NEBL: variants seen among roughly 807,000 people sequenced by gnomAD.
NEBL encodes LIM and SH3 protein 2.
Under a neutral mutation model 140.2 loss-of-function variants are expected in NEBL, and 122 were observed. The observed-to-expected ratio is 0.87, with a 90% CI of 0.75 to 1.01. The LOEUF is 1.01. NEBL is among the 50% of genes least tolerant of loss of function. The pLI is 0.00. For missense variants in NEBL, 1,365 were observed against 1,231.3 expected (o/e 1.11, Z -1.62); for synonymous variants, 436 against 398.9 (o/e 1.09, Z -1.11).
chr10:21,271,476 C>T (rs76381958), intron 1 of NEBL, among the ~76,000 whole-genome samples: 4,252 of 150,794 alleles, frequency 0.028, 186 homozygotes, highest in African/African-American at 0.097. Context: ...TAGCTATAGT[C>T]GATAATAATG....
intron 1 of NEBL, among the ~76,000 whole-genome samples, chr10:21,261,608 T>C (rs1158263600): frequency 6.7e-6 from 1 of 150,072 alleles, no homozygotes; most frequent in African/African-American, 2.5e-5. Flanking sequence ...GACCACACCA[T>C]TGCACACCAT....
intron 15 of NEBL, 51 bp downstream of exon 15, chr10:20,831,422 G>A: frequency 6.5e-7 from 1 of 1,529,102 alleles, no homozygotes; most frequent in Non-Finnish European, 9.0e-7. Context: ...GCTCTTTCCA[G>A]CTATGATTCA....
At chr10:20,856,792 A>G (rs950038874) in intron 9 of NEBL, among the ~76,000 whole-genome samples, 1 of 152,102 alleles carries the variant, frequency 6.6e-6, no homozygotes, top group Non-Finnish European at 1.5e-5. Context: ...CCAAGGACCA[A>G]TGATTAAAAA....
In NEBL at chr10:21,143,224, G is replaced by A. The variant is rs147276749; in HGVS notation, c.164+29159C>T. Among the ~76,000 whole-genome samples, 271 of 152,114 alleles carry A rather than the reference G, an allele frequency of 1.8e-3. 1 individual carries two copies. The highest frequency in any genetic ancestry group is 6.2e-3 in the African/African-American group (256 of 41,498). On this transcript the variant is annotated intron_variant, in intron 2 of 6. Coordinates refer to the NEBL transcript ENST00000417816. ...AGCACTTTAGGAGGCCAAGGTGGGC[G>A]GATCACTTGAAGTCAGGGGTTTGAG...
At chr10:21,144,380 G>A (rs11012546) in intron 2 of NEBL, among the ~76,000 whole-genome samples, 21 of 152,270 alleles carry the variant, frequency 1.4e-4, no homozygotes, top group African/African-American at 4.1e-4. Context: ...ACAAGGTAAC[G>A]CACCCTCCTT....
intron 9 of NEBL, among the ~76,000 whole-genome samples, chr10:20,854,071 T>C (rs75885498): frequency 1.3e-5 from 2 of 152,200 alleles, no homozygotes; most frequent in Admixed American, 6.5e-5. Context: ...AATTATTTCA[T>C]GATTTCTATC....
At chr10:21,156,838 C>T (rs567782247) in intron 2 of NEBL, among the ~76,000 whole-genome samples, 182 of 152,264 alleles carry the variant, frequency 1.2e-3, no homozygotes, top group Non-Finnish European at 2.3e-3. Context: ...ACACTAGAAT[C>T]TCTACATTGA....
At chr10:21,169,874 A>C (rs1290022915) in intron 2 of NEBL, among the ~76,000 whole-genome samples, 1 of 152,216 alleles carries the variant, frequency 6.6e-6, no homozygotes, top group East Asian at 1.9e-4. Flanking sequence ...TAAACATTCT[A>C]TACAGGTATG....
rs924092084 is a variant in NEBL at position 20,828,590 on chromosome 10, A to C, written c.1716T>G (p.Ser572=). 7 of 1,594,204 alleles carry C rather than the reference A, an allele frequency of 4.4e-6. No homozygotes were observed. The highest frequency in any genetic ancestry group is 6.0e-6 in the Non-Finnish European group (7 of 1,162,302). ...GAATTTCAGGAGTATCTGCTATGGT[A>C]GAATAGTTAGAAAGCATCTTCTCTG... ...DEAEKMLSNY[S]TIADTPEIQR... is the part of the protein sequence containing the mutation. Residue 572 remains serine (S), a synonymous_variant, in exon 17 of 28, where the codon TCT becomes TCG. Coordinates refer to ENST00000377122, the MANE Select transcript of NEBL (RefSeq NM_006393.3).
chr10:20,831,570 C>T lies in NEBL; in HGVS notation c.1463G>A (p.Arg488Lys). 1 of 1,601,204 alleles carries T rather than the reference C, an allele frequency of 6.2e-7. No homozygotes were observed. The highest frequency in any genetic ancestry group is 8.6e-7 in the Non-Finnish European group (1 of 1,168,990). The change falls in exon 15 of 28, where the codon AGA (arginine) becomes AAA (lysine). Residue 488 changes from arginine (R) to lysine (K), a missense_variant. By Grantham distance (26) the Arg-to-Lys change is conservative (BLOSUM62 2). Coordinates refer to ENST00000377122, the MANE Select transcript of NEBL (RefSeq NM_006393.3). ...CCCTTTAATTTCAGTCTCCAGATCT[C>T]TTTTATAGTCTTTCTGCAGAAAATG... is the stretch of plus-strand genomic sequence containing the variant. ...AEIASEKDYK[R>K]DLETEIKGKG...
chr10:21,198,916 G>A (rs758422129), intron 3 of NEBL, among the ~76,000 whole-genome samples: 1 of 151,820 alleles, frequency 6.6e-6, no homozygotes, highest in Non-Finnish European at 1.5e-5. Context: ...CCATCAAACT[G>A]GTACCCAATT....
upstream of NEBL, chr10:20,897,423 G>C: frequency 7.8e-7 from 1 of 1,283,252 alleles, no homozygotes; most frequent in Non-Finnish European, 9.8e-7. Context: ...CTCACAAGTG[G>C]AAATAACATA....
rs1528182 is a variant in NEBL, at chr10:20,828,578, A to G, written c.1728T>C (p.Asp576=). Residue 576 remains aspartate (D), a synonymous_variant, in exon 17 of 28, where the codon GAT becomes GAC. Coordinates refer to ENST00000377122, the MANE Select transcript of NEBL (RefSeq NM_006393.3). ...TCTTAATTCTCTGAATTTCAGGAGTATCTGCTATGGTAGAATAGTTAGAAA... is the reference window on the plus strand; with the variant it reads ...TCTTAATTCTCTGAATTTCAGGAGTGTCTGCTATGGTAGAATAGTTAGAAA... The part of the protein sequence containing the change: ...KMLSNYSTIA[D]TPEIQRIKTT... 698 of 1,597,640 alleles carry G rather than the reference A, an allele frequency of 4.4e-4. 9 individuals carry two copies. The East Asian group carries it at 0.011, about 25-fold the overall frequency.
intron 1 of NEBL, among the ~76,000 whole-genome samples, chr10:21,265,213 G>T (rs114968523): frequency 1.4e-3 from 207 of 152,134 alleles, no homozygotes; most frequent in African/African-American, 4.5e-3. Context: ...GTGAGCCACC[G>T]CACCTCTTTT....
intron 21 of NEBL, 36 bp from the exon 22 acceptor site, chr10:20,815,753 A>C: frequency 7.3e-7 from 1 of 1,366,690 alleles, no homozygotes; most frequent in Non-Finnish European, 1.0e-6. Flanking sequence ...GAATACTATG[A>C]ATCAATTCAA....
upstream of NEBL, among the ~76,000 whole-genome samples, chr10:20,901,542 T>C (rs1241160681): frequency 1.3e-5 from 2 of 152,132 alleles, no homozygotes; most frequent in Admixed American, 6.5e-5. Flanking sequence ...AAATTTATAA[T>C]AAACAATTAA....
intron 3 of NEBL, among the ~76,000 whole-genome samples, chr10:20,967,928 A>G (rs1836397663): frequency 6.6e-6 from 1 of 152,234 alleles, no homozygotes; most frequent in Admixed American, 6.5e-5. Flanking sequence ...GCAGAAACTG[A>G]GGAACCCAGA....
chr10:21,205,121 T>C (rs968553617), intron 3 of NEBL, among the ~76,000 whole-genome samples: 14 of 152,226 alleles, frequency 9.2e-5, no homozygotes, highest in African/African-American at 3.4e-4. Context: ...ATCAGTGTTA[T>C]CTGCATCTTC....
At chr10:20,955,984 T>C (rs1187754843) in intron 4 of NEBL, among the ~76,000 whole-genome samples, 2 of 152,078 alleles carry the variant, frequency 1.3e-5, no homozygotes, top group South Asian at 2.1e-4. Flanking sequence ...CTTTAGACAA[T>C]GCCATTTTAC....
Sources: allele counts gnomAD v4.1 joint callset (sites outside exome capture counted in the v4.1 genomes callset), GRCh38; gene constraint gnomAD v4.1.1; transcripts MANE v1.5; gene names NCBI Gene and HGNC (gene_info 2026-07-23, HGNC 2026-07-21).